Variants in PHACTR3 observed in about 807,000 individuals in gnomAD.
PHACTR3 encodes phosphatase and actin regulator 3.
PHACTR3 carries 16 observed loss-of-function variants against 66.8 expected under a neutral mutation model. The observed-to-expected ratio is 0.24, with a 90% confidence interval of 0.16 to 0.36. The LOEUF is 0.36. PHACTR3 is among the 10% of genes least tolerant of loss of function. The pLI is 1.00. For missense variants in PHACTR3, 647 were observed against 719.9 expected, an observed-to-expected ratio of 0.90 and a Z score of 1.16; for synonymous variants, 323 against 292.1, an observed-to-expected ratio of 1.11 and a Z score of -1.08.
In PHACTR3 at chr20:59,843,271, CTAAAATGACCA is replaced by C. The variant is rs766565068; in HGVS notation, c.1587+1748_1587+1758del. Among the ~76,000 whole-genome samples the C allele has an allele frequency of 7.2e-5, 11 of 152,026 alleles. No individual in the cohort carries two copies. The South Asian group carries it at 1.5e-3, about 20-fold the overall frequency. On this transcript the variant is annotated intron_variant, in intron 11 of 12. Transcript: ENST00000371015. ...TCATGGATAGAAAGGACTAATACTG[CTAAAATGACCA>C]TAAAATGACCAATGCAATCCCTATC...
At chr20:59,685,232 A>T (rs377571871) in intron 1 of PHACTR3, among the ~76,000 whole-genome samples, 6 of 152,276 alleles carry the variant, frequency 3.9e-5, no homozygotes, top group African/African-American at 1.4e-4. Context: ...CCTGAAGTGC[A>T]TATCAGATCT....
chr20:59,676,241 G>A (rs114604586), intron 1 of PHACTR3, among the ~76,000 whole-genome samples: 3 of 152,220 alleles, frequency 2.0e-5, no homozygotes, highest in East Asian at 1.9e-4. Context: ...TGCTGCCATC[G>A]TGGGTTCTGT....
intron 1 of PHACTR3, among the ~76,000 whole-genome samples, chr20:59,586,492 A>G (rs958563748): frequency 3.3e-5 from 5 of 151,970 alleles, no homozygotes; most frequent in East Asian, 1.9e-4. Flanking sequence ...GCCTTTTCCT[A>G]TAATCCATGA....
chr20:59,818,107 C>T lies in PHACTR3; in HGVS notation c.1328+11913C>T, dbSNP rs555388341. 1.1e-4 allele frequency among the ~76,000 whole-genome samples: 16 copies of T among 152,294 alleles called. No homozygotes were observed. In the South Asian group the frequency reaches 2.3e-3, roughly 22 times the overall value. ...ATGTGAGGGGGCCCTTGTGTGCGGCCCTCTCAGCTCCACCCTTGCTCTAAG... is the reference window on the plus strand; with the variant it reads ...ATGTGAGGGGGCCCTTGTGTGCGGCTCTCTCAGCTCCACCCTTGCTCTAAG... On this transcript the variant is annotated intron_variant, in intron 8 of 12. Transcript: ENST00000371015.
intron 1 of PHACTR3, among the ~76,000 whole-genome samples, chr20:59,671,215 T>G (rs561341559): frequency 1.3e-5 from 2 of 152,308 alleles, no homozygotes; most frequent in Non-Finnish European, 2.9e-5. Flanking sequence ...CTTGGTGAAG[T>G]GGCTTCCTTG....
chr20:59,604,138 G>T (rs2033571258), upstream of PHACTR3, among the ~76,000 whole-genome samples: 1 of 152,114 alleles, frequency 6.6e-6, no homozygotes, highest in African/African-American at 2.4e-5. Flanking sequence ...CCCAGGCCAG[G>T]TGGTTGCGGG....
intron 2 of PHACTR3, 110 bp downstream of exon 2, chr20:59,743,378 C>A (rs1601242048): frequency 7.3e-7 from 1 of 1,376,540 alleles, no homozygotes; most frequent in Non-Finnish European, 9.9e-7. Flanking sequence ...ACAGGAGGGG[C>A]AGATGTGCTT....
At chr20:59,740,147 A>G (rs1203363213) in intron 1 of PHACTR3, among the ~76,000 whole-genome samples, 1 of 152,160 alleles carries the variant, frequency 6.6e-6, no homozygotes, top group Admixed American at 6.5e-5. Flanking sequence ...AATTATTATA[A>G]TATAAATTTT....
chr20:59,700,945 A>G (rs2037483465), intron 1 of PHACTR3, among the ~76,000 whole-genome samples: 1 of 141,516 alleles, frequency 7.1e-6, no homozygotes, highest in Non-Finnish European at 1.5e-5. Context: ...GCACCACACT[A>G]TGTCTGGCTA....
At chr20:59,769,410 G>C (rs1035638275) in intron 5 of PHACTR3, among the ~76,000 whole-genome samples, 27 of 152,340 alleles carry the variant, frequency 1.8e-4, no homozygotes, top group African/African-American at 6.5e-4. Flanking sequence ...GACACACAGG[G>C]ATGGGACTGA....
chr20:59,586,862 C>T (rs1268437583), intron 1 of PHACTR3, among the ~76,000 whole-genome samples: 5 of 152,182 alleles, frequency 3.3e-5, no homozygotes, highest in Non-Finnish European at 5.9e-5. Flanking sequence ...GACAGAGTAA[C>T]GTGCCCAAGG....
chr20:59,756,018 A>C (rs76861378), intron 4 of PHACTR3, among the ~76,000 whole-genome samples: 3,392 of 152,218 alleles, frequency 0.022, 59 homozygotes, highest in Non-Finnish European at 0.035. Flanking sequence ...GCAGTGTCTG[A>C]CGTGTAGAGT....
intron 7 of PHACTR3, among the ~76,000 whole-genome samples, chr20:59,790,238 A>G (rs72629007): frequency 0.063 from 9,561 of 152,158 alleles, 743 homozygotes; most frequent in East Asian, 0.37. Context: ...TAATCTTAGT[A>G]CCCATTAGTT....
At chr20:59,605,846 CGGGGGGGGAGGTGGG>C (rs2033645538) in intron 1 of PHACTR3, among the ~76,000 whole-genome samples, 1 of 7,762 alleles carries the variant, frequency 1.3e-4, no homozygotes, top group Non-Finnish European at 3.9e-4. Context: ...CCTAATAAAG[CGGGGGGGGAGGTGGG>C]GGGGGGGGTG....
rs2034843984 is a variant in PHACTR3 at position 59,635,194 on chromosome 20, CTCTTTCT to C, written c.118+30064_118+30070del. Among the ~76,000 whole-genome samples, 15 of 54,980 alleles carry C rather than the reference CTCTTTCT, an allele frequency of 2.7e-4. 2 individuals are homozygous for C. The highest frequency in any genetic ancestry group is 2.3e-4 in the Admixed American group (1 of 4,382). 36.1% of individuals were successfully genotyped at this position (54,980 alleles called of 152,430 possible). ...CCTTTCTTTCTTTCTTTCTTTCTTTCTCTTTCTTTCTTTCCTTCCTTCCTTCCTTCTT... is the reference window on the plus strand; with the variant it reads ...CCTTTCTTTCTTTCTTTCTTTCTTTCTTCTTTCCTTCCTTCCTTCCTTCTT... On this transcript the variant is annotated intron_variant, in intron 1 of 12. Transcript: ENST00000371015.
chr20:59,671,685 C>T (rs2146508246), intron 1 of PHACTR3, among the ~76,000 whole-genome samples: 2 of 152,376 alleles, frequency 1.3e-5, no homozygotes, highest in Admixed American at 1.3e-4. Flanking sequence ...AATTGTCCAG[C>T]TGTGATATTG....
chr20:59,695,958 C>G (rs997154561), intron 1 of PHACTR3, among the ~76,000 whole-genome samples: 2 of 152,074 alleles, frequency 1.3e-5, no homozygotes, highest in Non-Finnish European at 2.9e-5. Context: ...GTCTCAAACT[C>G]CTGACCTCAA....
chr20:59,807,127 T>G (rs1014359447), intron 8 of PHACTR3, among the ~76,000 whole-genome samples: 1 of 151,760 alleles, frequency 6.6e-6, no homozygotes, highest in African/African-American at 2.4e-5. Flanking sequence ...TTACATAAAC[T>G]TTTTTTTTCT....
Position 59,779,569 on chromosome 20 carries a change from G to A in PHACTR3, c.1174+5079G>A, listed in dbSNP as rs114360616. Among the ~76,000 whole-genome samples the A allele has an allele frequency of 8.3e-3, 1,261 of 152,276 alleles. 17 individuals are homozygous for A. Among genetic ancestry groups the A allele is most frequent in the African/African-American group, 0.029 (1,194 of 41,536 alleles). On this transcript the variant is annotated intron_variant, in intron 7 of 12. Coordinates refer to ENST00000371015, the MANE Select transcript of PHACTR3 (RefSeq NM_080672.5). Reference sequence around the variant, plus strand: ...GCAGCAAATTAATCAATTATTAATCGCAACAACTACTATTTTATTCATTTA... The same window carrying A: ...GCAGCAAATTAATCAATTATTAATCACAACAACTACTATTTTATTCATTTA...
Sources: allele counts gnomAD v4.1 joint callset (sites outside exome capture counted in the v4.1 genomes callset), GRCh38; gene constraint gnomAD v4.1.1; transcripts MANE v1.5; gene names NCBI Gene and HGNC (gene_info 2026-07-23, HGNC 2026-07-21).